Variants in FBP2 observed in about 807,000 individuals in gnomAD.
FBP2 encodes fructose-1,6-bisphosphatase isozyme 2.
A neutral mutation model predicts 31.6 loss-of-function variants in FBP2; 27 were observed. That is an observed-to-expected ratio of 0.85 (90% CI 0.63 to 1.18). FBP2 has a LOEUF of 1.18. FBP2 is among the 50% of genes most tolerant of loss of function. The pLI is 0.00. For synonymous variants in FBP2, 168 were observed against 179.8 expected, an observed-to-expected ratio of 0.93 and a Z score of 0.53; for missense variants, 421 against 436.1, an observed-to-expected ratio of 0.97 and a Z score of 0.31.
Position 94,593,792 on chromosome 9 carries a change from G to C in FBP2, c.-66C>G. Reference sequence around the variant, plus strand: ...ACCTTGCTTACTTCTGAGGGCTGCAGCTCCGCAGTGTGGAAGCCGATAAGA... The same window carrying C: ...ACCTTGCTTACTTCTGAGGGCTGCACCTCCGCAGTGTGGAAGCCGATAAGA... On this transcript the variant is annotated 5_prime_UTR_variant, in exon 1 of 7. Coordinates refer to ENST00000375337, the MANE Select transcript of FBP2 (RefSeq NM_003837.4). 3.2e-6 allele frequency: 5 copies of C among 1,554,616 alleles called. No individual in the cohort carries two copies. The highest frequency in any genetic ancestry group is 2.7e-5 in the African/African-American group (2 of 73,714).
chr9:94,559,010 G>A lies in FBP2; in HGVS notation c.948C>T (p.Pro316=). The A allele has an allele frequency of 6.2e-7, 1 of 1,614,136 alleles. No individual in the cohort carries two copies. Among genetic ancestry groups the A allele is most frequent in the Non-Finnish European group, 8.5e-7 (1 of 1,180,036 alleles). The change falls in exon 7 of 7, where the codon CCC becomes CCT. Residue 316 remains proline (P), a synonymous_variant. Transcript: ENST00000375337. ...CATCCTCTGGTGACCCCAGAATGAGGGGGACTCGCTGGTGAATTGCCTCGG... is the reference window on the plus strand; with the variant it reads ...CATCCTCTGGTGACCCCAGAATGAGAGGGACTCGCTGGTGAATTGCCTCGG... ...VKPEAIHQRV[P]LILGSPEDVQ... is the part of the protein sequence containing the mutation.
chr9:94,566,161 A>G (rs1479520919), intron 5 of FBP2, among the ~76,000 whole-genome samples: 1 of 152,300 alleles, frequency 6.6e-6, no homozygotes, highest in East Asian at 1.9e-4. Flanking sequence ...TTTGTTTCCT[A>G]ATCTTAAAAA....
At chr9:94,571,692 C>A (rs1170005427) in intron 3 of FBP2, 90 bp from the exon 4 acceptor site, 2 of 1,194,598 alleles carry the variant, frequency 1.7e-6, no homozygotes, top group Non-Finnish European at 2.3e-6. Flanking sequence ...CTCCTCGAAT[C>A]ACTGAAGGAA....
chr9:94,565,368 CA>C (rs369180827), intron 5 of FBP2, among the ~76,000 whole-genome samples: 10,288 of 46,546 alleles, frequency 0.22, 434 homozygotes, highest in South Asian at 0.33. Context: ...GACTCCACCT[CA>C]AAAAAAAAAA....
chr9:94,588,740 G>GC (rs11394532), intron 1 of FBP2, among the ~76,000 whole-genome samples: 9,488 of 152,166 alleles, frequency 0.062, 993 homozygotes, highest in African/African-American at 0.22. Context: ...CTCCTAAAGT[G>GC]CCCCCAGTCT....
In FBP2 at chr9:94,558,934, C is replaced by T; in HGVS notation, c.*4G>A. 7 of 1,614,064 alleles carry T rather than the reference C, an allele frequency of 4.3e-6. No homozygotes were observed. The highest frequency in any genetic ancestry group is 5.9e-6 in the Non-Finnish European group (7 of 1,179,998). On this transcript the variant is annotated 3_prime_UTR_variant, in exon 7 of 7. Coordinates refer to ENST00000375337, the MANE Select transcript of FBP2 (RefSeq NM_003837.4). ...ACAGAAGAGGGCATGTGGGGTCAAA[C>T]TCGCTAGCTGCCTGCCTGATTTTTC...
chr9:94,563,248 T>C (rs1827135277), intron 6 of FBP2, 94 bp downstream of exon 6: 3 of 1,393,992 alleles, frequency 2.2e-6, no homozygotes, highest in South Asian at 1.4e-5. Flanking sequence ...AGACATGCCA[T>C]GAAGCAGTGC....
chr9:94,573,586 A>G (rs2945797), intron 3 of FBP2, among the ~76,000 whole-genome samples: 74,009 of 152,202 alleles, frequency 0.49, 18,641 homozygotes, highest in East Asian at 0.61. Flanking sequence ...AGATACGATT[A>G]TGTGATTTTT....
At chr9:94,589,884 C>G (rs2131461554) in intron 1 of FBP2, among the ~76,000 whole-genome samples, 1 of 152,304 alleles carries the variant, frequency 6.6e-6, no homozygotes, top group South Asian at 2.1e-4. Flanking sequence ...ACAGCAGCAA[C>G]AAAACTAGGC....
chr9:94,579,000 C>A (rs1425393950), intron 3 of FBP2, among the ~76,000 whole-genome samples: 1 of 122,252 alleles, frequency 8.2e-6, no homozygotes, highest in Non-Finnish European at 1.6e-5. Context: ...TTGCAGTGAG[C>A]GGAGCTTGCA....
At chr9:94,593,506 C>A in intron 1 of FBP2, 51 bp downstream of exon 1, 1 of 1,547,010 alleles carries the variant, frequency 6.5e-7, no homozygotes, top group Non-Finnish European at 8.7e-7. Flanking sequence ...TCCCACACCC[C>A]TGCCTGGGCC....
chr9:94,566,863 CTT>C (rs1827197162), intron 5 of FBP2, among the ~76,000 whole-genome samples: 1 of 152,296 alleles, frequency 6.6e-6, no homozygotes, highest in African/African-American at 2.4e-5. Flanking sequence ...TTTCTAATCT[CTT>C]TTAATTTCAT....
intron 3 of FBP2, among the ~76,000 whole-genome samples, chr9:94,573,501 C>T (rs535651837): frequency 7.1e-6 from 1 of 141,124 alleles, no homozygotes; most frequent in Non-Finnish European, 1.5e-5. Flanking sequence ...TCAAGCAATC[C>T]TCCTACCTCA....
At chr9:94,567,125 AAGGC>A (rs1371885834) in intron 5 of FBP2, 141 bp downstream of exon 5, 1 of 709,790 alleles carries the variant, frequency 1.4e-6, no homozygotes, top group East Asian at 2.6e-5. Flanking sequence ...CTTATGAAGA[AAGGC>A]AGAGTCCATC....
At chr9:94,592,943 G>A (rs1363809732) in intron 1 of FBP2, among the ~76,000 whole-genome samples, 1 of 152,152 alleles carries the variant, frequency 6.6e-6, no homozygotes, top group Admixed American at 6.6e-5. Flanking sequence ...AGAGAACCCT[G>A]TGGAAGAAAC....
At chr9:94,587,633 T>C (rs1312896250) in intron 1 of FBP2, among the ~76,000 whole-genome samples, 164 bp from the exon 2 acceptor site, 2 of 151,036 alleles carry the variant, frequency 1.3e-5, no homozygotes, top group African/African-American at 4.9e-5. Context: ...GCAGGATACC[T>C]CTCAGCCTTG....
At chr9:94,569,299 C>G (rs1224629397) in intron 4 of FBP2, 3 of 152,296 alleles carry the variant, frequency 2.0e-5, no homozygotes, top group African/African-American at 7.2e-5. Flanking sequence ...CACTGCCGTG[C>G]TTCCTGCTTC....
At chr9:94,567,148 A>G in intron 5 of FBP2, 122 bp downstream of exon 5, 1 of 952,506 alleles carries the variant, frequency 1.0e-6, no homozygotes, top group South Asian at 1.5e-5. Context: ...TCATCTTCAT[A>G]CTGACCACAG....
chr9:94,585,562 C>T (rs1827417803), intron 2 of FBP2, among the ~76,000 whole-genome samples: 1 of 152,090 alleles, frequency 6.6e-6, no homozygotes, highest in South Asian at 2.1e-4. Flanking sequence ...TGATGACAGA[C>T]CTGACTAGAA....
Sources: allele counts gnomAD v4.1 joint callset (sites outside exome capture counted in the v4.1 genomes callset), GRCh38; gene constraint gnomAD v4.1.1; transcripts MANE v1.5; gene names NCBI Gene and HGNC (gene_info 2026-07-23, HGNC 2026-07-21).